Variants in NFATC3 observed in about 807,000 individuals in gnomAD.
The protein encoded by NFATC3 is nuclear factor of activated T cells 3.
NFATC3 carries 46 observed loss-of-function variants against 98.6 expected under a neutral mutation model. The observed-to-expected ratio is 0.47, with a 90% CI of 0.37 to 0.60. NFATC3 has a LOEUF of 0.60. Among genes scored for constraint, NFATC3 ranks in the 20% least tolerant of loss-of-function variants. NFATC3 has a pLI of 0.00. For missense variants in NFATC3, 1,256 were observed against 1,295.5 expected (o/e 0.97, Z 0.47); for synonymous variants, 512 against 472.2 (o/e 1.08, Z -1.09).
At chr16:68,164,593 G>A (rs1242700692) in intron 4 of NFATC3, among the ~76,000 whole-genome samples, 8 of 152,152 alleles carry the variant, frequency 5.3e-5, no homozygotes, top group Non-Finnish European at 1.2e-4. Flanking sequence ...GCTACACCTT[G>A]ATTTAAAATG....
intron 9 of NFATC3, among the ~76,000 whole-genome samples, chr16:68,207,186 T>G (rs2041182703): frequency 1.3e-5 from 2 of 151,474 alleles, no homozygotes; most frequent in Admixed American, 1.3e-4. Flanking sequence ...GGTGGGCGCC[T>G]GTAATCTCAG....
chr16:68,175,724 T>A (rs1343553556), intron 6 of NFATC3, among the ~76,000 whole-genome samples: 1 of 151,932 alleles, frequency 6.6e-6, no homozygotes, highest in Non-Finnish European at 1.5e-5. Flanking sequence ...CACACCTGGC[T>A]AATTTTTGTA....
In NFATC3 at chr16:68,085,711, C is replaced by G; in HGVS notation, c.30C>G (p.Asp10Glu). 3 of 1,516,076 alleles carry G rather than the reference C, an allele frequency of 2.0e-6. No individual in the cohort carries two copies. Among genetic ancestry groups the G allele is most frequent in the Non-Finnish European group, 2.6e-6 (3 of 1,134,008 alleles). The allele number at this position is 1,516,076 out of a possible 1,614,324, so 93.9% of individuals were successfully genotyped here. Reference protein sequence around the residue: MTTANCGAHDELDFKLVFGE... With the variant: MTTANCGAHEELDFKLVFGE... The stretch of plus-strand genomic sequence containing the variant: ...CTACTGCAAACTGTGGCGCCCACGA[C>G]GAGCTCGACTTCAAACTCGTCTTTG... Residue 10 changes from aspartate to glutamate, a missense_variant, in exon 1 of 10, where the codon GAC becomes GAG. By Grantham distance (45) the Asp-to-Glu change is conservative. Coordinates refer to ENST00000346183, the MANE Select transcript of NFATC3 (RefSeq NM_173165.3).
intron 6 of NFATC3, among the ~76,000 whole-genome samples, chr16:68,174,966 A>G (rs1567533989): frequency 6.6e-6 from 1 of 152,276 alleles, no homozygotes; most frequent in Non-Finnish European, 1.5e-5. Flanking sequence ...ACATGAACTT[A>G]GAGACAAATA....
chr16:68,157,345 T>C (rs1567524818), intron 3 of NFATC3, among the ~76,000 whole-genome samples: 1 of 152,186 alleles, frequency 6.6e-6, no homozygotes, highest in Non-Finnish European at 1.5e-5. Context: ...TGGTGGCAGC[T>C]CAAAATCTCA....
At chr16:68,160,062 C>A (rs1219041177) in intron 4 of NFATC3, among the ~76,000 whole-genome samples, 1 of 151,778 alleles carries the variant, frequency 6.6e-6, no homozygotes, top group African/African-American at 2.4e-5. Context: ...GAAACTCCGA[C>A]TCAAAAAGAA....
intron 3 of NFATC3, among the ~76,000 whole-genome samples, chr16:68,131,259 A>G (rs373706582): frequency 4.6e-5 from 7 of 152,244 alleles, no homozygotes; most frequent in Admixed American, 6.5e-5. Flanking sequence ...ATACATTCTT[A>G]TACAACAACA....
At chr16:68,157,464 G>A (rs2038679081) in intron 3 of NFATC3, among the ~76,000 whole-genome samples, 1 of 152,108 alleles carries the variant, frequency 6.6e-6, no homozygotes, top group South Asian at 2.1e-4. Flanking sequence ...TCTACTAAAA[G>A]TGTCTCCGAT....
In NFATC3 at chr16:68,138,372, T is replaced by C; in HGVS notation, c.1401+11762T>C. ...AAATCTTAATGCTTGTTTACTATTA[T>C]TATAGTTCAAGCTCTCCTTCCTTGG... On this transcript the variant is annotated intron_variant, in intron 3 of 9. Coordinates refer to ENST00000346183, the MANE Select transcript of NFATC3 (RefSeq NM_173165.3). 3 of 577,180 alleles carry C rather than the reference T, an allele frequency of 5.2e-6. 1 individual carries two copies. In the South Asian group the frequency reaches 5.9e-5, roughly 11 times the overall value. The allele number at this position is 577,180 out of a possible 1,614,324, so 35.8% of individuals were successfully genotyped here. A position where few individuals can be genotyped will look rare whatever the true frequency, so the allele number is the denominator to read the frequency against.
At chr16:68,192,269 A>ATC (rs1365366808) in intron 9 of NFATC3, 2 of 138,884 alleles carry the variant, frequency 1.4e-5, no homozygotes, top group East Asian at 4.1e-4. Flanking sequence ...GTGTATATAT[A>ATC]TATGTATGTG....
chr16:68,111,040 T>C (rs2035919523), intron 1 of NFATC3, among the ~76,000 whole-genome samples: 1 of 152,258 alleles, frequency 6.6e-6, no homozygotes, highest in Non-Finnish European at 1.5e-5. Context: ...TCATTTCTTT[T>C]GCATTTGCTG....
intron 4 of NFATC3, among the ~76,000 whole-genome samples, chr16:68,163,726 G>A (rs1187207213): frequency 1.3e-5 from 2 of 151,630 alleles, no homozygotes; most frequent in African/African-American, 2.4e-5. Flanking sequence ...CCCAGACGGG[G>A]TCGCGGCTGG....
chr16:68,107,633 G>A (rs2035730558), intron 1 of NFATC3, among the ~76,000 whole-genome samples: 1 of 152,136 alleles, frequency 6.6e-6, no homozygotes, highest in South Asian at 2.1e-4. Flanking sequence ...TGAGACAGGA[G>A]AATCACTTGA....
At chr16:68,172,147 C>T (rs895213825) in intron 5 of NFATC3, among the ~76,000 whole-genome samples, 1 of 152,144 alleles carries the variant, frequency 6.6e-6, no homozygotes, top group African/African-American at 2.4e-5. Flanking sequence ...TAGGCATCTT[C>T]TATGAAAGAA....
At chr16:68,115,913 T>C (rs763677307) in intron 1 of NFATC3, among the ~76,000 whole-genome samples, 18 of 152,196 alleles carry the variant, frequency 1.2e-4, no homozygotes, top group Non-Finnish European at 1.8e-4. Context: ...AAGTCTACTT[T>C]TCTTTTTGTG....
chr16:68,103,699 C>A lies in NFATC3; in HGVS notation c.103+17915C>A, dbSNP rs182578355. On this transcript the variant is annotated intron_variant, in intron 1 of 9. Transcript: ENST00000346183. ...TAGCTCTTATATTTAGGTTGTTGAT[C>A]CTTTTTGAGTTAATTTTTGTATATG... Among the ~76,000 whole-genome samples the A allele has an allele frequency of 2.3e-4, 35 of 152,126 alleles. No individual in the cohort carries two copies. The East Asian group carries it at 6.4e-3, about 28-fold the overall frequency.
intron 9 of NFATC3, chr16:68,214,230 C>A: frequency 2.5e-6 from 2 of 807,164 alleles, no homozygotes; most frequent in Middle Eastern, 2.3e-4. Flanking sequence ...AGTTAAATTC[C>A]TTTTGATTAT....
chr16:68,087,078 T>A (rs1377493352), intron 1 of NFATC3, among the ~76,000 whole-genome samples: 1 of 152,152 alleles, frequency 6.6e-6, no homozygotes, highest in Non-Finnish European at 1.5e-5. Flanking sequence ...CATTTTATAG[T>A]AGAGGAAGAA....
chr16:68,198,441 A>G (rs71393983), intron 9 of NFATC3, among the ~76,000 whole-genome samples: 1,959 of 152,348 alleles, frequency 0.013, 21 homozygotes, highest in Non-Finnish European at 0.023. Flanking sequence ...GAATTATGGC[A>G]GAATAAAGAC....
Sources: gnomAD v4.1 joint callset for allele counts (sites outside exome capture counted in the v4.1 genomes callset) on GRCh38, gnomAD v4.1.1 for gene constraint, MANE v1.5 for transcripts, NCBI Gene and HGNC (gene_info 2026-07-23, HGNC 2026-07-21) for gene names.